LINGO1: variants seen among roughly 807,000 people sequenced by gnomAD.
LINGO1 encodes leucine rich repeat and Ig domain containing 1.
A neutral mutation model predicts 37.3 loss-of-function variants in LINGO1; 11 were observed. That is an observed-to-expected ratio of 0.29 (90% CI 0.19 to 0.49). LINGO1 has a LOEUF of 0.49. Ranked by LOEUF, LINGO1 falls within the 20% of genes least tolerant of loss-of-function variation. The probability of loss-of-function intolerance (pLI) is 0.99; values close to 1 mark genes in which losing one functional copy is unlikely to be tolerated. For synonymous variants in LINGO1, 387 were observed against 403.0 expected (o/e 0.96, Z 0.48); for missense variants, 585 against 878.2 (o/e 0.67, Z 4.22).
chr15:77,804,700 C>A (rs2141468772), intron 1 of LINGO1, among the ~76,000 whole-genome samples: 1 of 152,262 alleles, frequency 6.6e-6, no homozygotes, highest in South Asian at 2.1e-4. Context: ...GTGCAGTCTG[C>A]CCACCCAGCA....
At chr15:77,771,993 AT>A (rs1490413609) in intron 1 of LINGO1, among the ~76,000 whole-genome samples, 1 of 152,162 alleles carries the variant, frequency 6.6e-6, no homozygotes, top group Non-Finnish European at 1.5e-5. Flanking sequence ...TCACTCTCTG[AT>A]TTAGAGACTG....
intron 1 of LINGO1, among the ~76,000 whole-genome samples, chr15:77,771,669 GGAA>G (rs988419946): frequency 6.6e-6 from 1 of 152,212 alleles, no homozygotes; most frequent in African/African-American, 2.4e-5. Context: ...GGAGACTGCT[GGAA>G]GCTAGGCTAG....
rs1044752168 is a variant in LINGO1 at position 77,750,113 on chromosome 15, A to G, written c.-256-15060T>C. On this transcript the variant is annotated intron_variant, in intron 1 of 3. Transcript: ENST00000561686. ...CTGAGTGAACACGTGCCCTGGAGTC[A>G]GAGCAGGGGCCACGTCCCCGATGCC... Among the ~76,000 whole-genome samples, 4 of 151,954 alleles carry G rather than the reference A, an allele frequency of 2.6e-5. No individual in the cohort carries two copies. The South Asian group carries it at 8.3e-4, about 32-fold the overall frequency.
intron 1 of LINGO1, among the ~76,000 whole-genome samples, chr15:77,769,506 G>A (rs1391540870): frequency 6.6e-6 from 1 of 152,196 alleles, no homozygotes; most frequent in Admixed American, 6.5e-5. Context: ...GAGAAGGCAC[G>A]TTCCCATGGG....
chr15:77,719,771 CACAT>C (rs2076027356), intron 2 of LINGO1, among the ~76,000 whole-genome samples: 1 of 136,572 alleles, frequency 7.3e-6, no homozygotes, highest in African/African-American at 2.5e-5. Flanking sequence ...CACACACTCA[CACAT>C]ACACAAACTC....
chr15:77,703,468 T>C (rs896761358), intron 2 of LINGO1, among the ~76,000 whole-genome samples: 2 of 152,154 alleles, frequency 1.3e-5, no homozygotes, highest in Admixed American at 6.5e-5. Context: ...TAACACACTT[T>C]GTGTCTTGGA....
chr15:77,799,521 G>T (rs781300252), intron 1 of LINGO1, among the ~76,000 whole-genome samples: 1 of 152,198 alleles, frequency 6.6e-6, no homozygotes, highest in African/African-American at 2.4e-5. Context: ...GGACTGTGAG[G>T]AAAGTGCCTT....
chr15:77,726,335 A>AG (rs1344714851), intron 2 of LINGO1, among the ~76,000 whole-genome samples: 3 of 152,208 alleles, frequency 2.0e-5, no homozygotes, highest in Non-Finnish European at 4.4e-5. Context: ...CCTCCCCCAC[A>AG]GGCACCCCAT....
At chr15:77,670,889 C>T (rs1463135677) in intron 3 of LINGO1, among the ~76,000 whole-genome samples, 2 of 152,210 alleles carry the variant, frequency 1.3e-5, no homozygotes, top group African/African-American at 4.8e-5. Flanking sequence ...CTGGATCTGG[C>T]CTCAATCCCC....
intron 3 of LINGO1, among the ~76,000 whole-genome samples, chr15:77,662,094 T>C (rs1284013432): frequency 6.6e-6 from 1 of 152,152 alleles, no homozygotes; most frequent in African/African-American, 2.4e-5. Context: ...GGCTGACAGA[T>C]TGAATTAGAC....
chr15:77,757,127 C>G (rs1479975982), intron 1 of LINGO1, among the ~76,000 whole-genome samples: 1 of 152,210 alleles, frequency 6.6e-6, no homozygotes, highest in Non-Finnish European at 1.5e-5. Context: ...ACCCTGCCTT[C>G]CCCTCCCCAC....
intron 3 of LINGO1, among the ~76,000 whole-genome samples, chr15:77,652,481 A>AGT (rs1490464576): frequency 2.7e-4 from 15 of 56,364 alleles, no homozygotes; most frequent in South Asian, 1.5e-3. Context: ...CTGGGGAGGG[A>AGT]GAGTGTGTGT....
At chr15:77,725,455 G>T (rs1596159470) in intron 2 of LINGO1, among the ~76,000 whole-genome samples, 1 of 152,242 alleles carries the variant, frequency 6.6e-6, no homozygotes, top group South Asian at 2.1e-4. Flanking sequence ...AGCAACCACT[G>T]GGGAGGCTGA....
chr15:77,781,814 T>A (rs2076720382), intron 1 of LINGO1, among the ~76,000 whole-genome samples: 1 of 152,232 alleles, frequency 6.6e-6, no homozygotes, highest in South Asian at 2.1e-4. Flanking sequence ...GGACATTTCA[T>A]TCATGCTTCG....
At chr15:77,732,416 C>T (rs953021597) in intron 2 of LINGO1, among the ~76,000 whole-genome samples, 2 of 152,248 alleles carry the variant, frequency 1.3e-5, no homozygotes, top group Non-Finnish European at 2.9e-5. Context: ...GTTCTGCTCC[C>T]GTTTTAGAAA....
intron 3 of LINGO1, among the ~76,000 whole-genome samples, chr15:77,642,615 T>C (rs1201425013): frequency 6.6e-6 from 1 of 152,006 alleles, no homozygotes; most frequent in Non-Finnish European, 1.5e-5. Flanking sequence ...AAGGTGCCCC[T>C]CTCCCCAACC....
intron 1 of LINGO1, among the ~76,000 whole-genome samples, chr15:77,774,504 C>T (rs895656504): frequency 1.1e-4 from 17 of 152,170 alleles, no homozygotes; most frequent in Non-Finnish European, 2.2e-4. Flanking sequence ...ACGGGAACTC[C>T]ATGGGCTGCT....
intron 1 of LINGO1, among the ~76,000 whole-genome samples, chr15:77,748,113 G>A (rs553157563): frequency 1.3e-5 from 2 of 152,364 alleles, no homozygotes; most frequent in South Asian, 4.1e-4. Flanking sequence ...ACCCTCTCCA[G>A]TGGGTTAAGA....
At position 77,613,674 on chromosome 15, in the gene LINGO1, T is replaced by G; in HGVS notation, c.*370A>C. 4.4e-6 allele frequency: 1 copy of G among 229,296 alleles called. No homozygotes were observed. Among genetic ancestry groups the G allele is most frequent in the Non-Finnish European group, 8.6e-6 (1 of 115,616 alleles). 14.2% of individuals were successfully genotyped at this position (229,296 alleles called of 1,614,324 possible). A position where few individuals can be genotyped will look rare whatever the true frequency, so the allele number is the denominator to read the frequency against. ...ATTCCGACTAGCTATAGGAAATAGT[T>G]TTTTTCTCTTTTTATTATTTCAAGT... On this transcript the variant is annotated 3_prime_UTR_variant, in exon 2 of 2. Transcript: ENST00000355300.
Sources: gnomAD v4.1 joint callset for allele counts (sites outside exome capture counted in the v4.1 genomes callset) on GRCh38, gnomAD v4.1.1 for gene constraint, MANE v1.5 for transcripts, NCBI Gene and HGNC (gene_info 2026-07-23, HGNC 2026-07-21) for gene names.